KALRN: variants seen among roughly 807,000 people sequenced by gnomAD.
KALRN encodes the protein kalirin RhoGEF kinase, also known as kalirin.
KALRN carries 70 observed loss-of-function variants against 353.7 expected under a neutral mutation model. That is an observed-to-expected ratio of 0.20 (90% confidence interval 0.16 to 0.24). The LOEUF is 0.24. KALRN is among the 10% of genes least tolerant of loss of function. The pLI, the probability that KALRN is intolerant of heterozygous loss-of-function variation, is 1.00. For missense variants in KALRN, 2,791 were observed against 3,756.7 expected, an observed-to-expected ratio of 0.74 and a Z score of 6.72; for synonymous variants, 1,391 against 1,434.8, an observed-to-expected ratio of 0.97 and a Z score of 0.69.
At chr3:124,210,768 TG>T (rs1304946608) in intron 1 of KALRN, among the ~76,000 whole-genome samples, 1 of 152,178 alleles carries the variant, frequency 6.6e-6, no homozygotes, top group Non-Finnish European at 1.5e-5. Flanking sequence ...CCCAGTTGGA[TG>T]GTGAATGCTT....
At position 124,408,015 on chromosome 3, in the gene KALRN, C is replaced by T. The variant is rs1019234399; in HGVS notation, c.2347-5455C>T. Among the ~76,000 whole-genome samples the T allele has an allele frequency of 7.9e-5, 12 of 152,224 alleles. No homozygotes were observed. In the East Asian group the frequency reaches 2.1e-3, roughly 27 times the overall value. On this transcript the variant is annotated intron_variant, in intron 13 of 59. Coordinates refer to ENST00000682506, the MANE Select transcript of KALRN (RefSeq NM_001388419.1). The stretch of plus-strand genomic sequence containing the variant: ...GGCTCGATCTCCTGACCTCGTGATC[C>T]GCCCGCCTCAGCCTCCCAAAGTGCT...
chr3:124,325,894 T>G, intron 6 of KALRN, 86 bp from the exon 7 acceptor site: 1 of 1,142,618 alleles, frequency 8.8e-7, no homozygotes, highest in Non-Finnish European at 1.3e-6. Flanking sequence ...TTTGGGCAGC[T>G]CCCTTCCCCA....
intron 1 of KALRN, among the ~76,000 whole-genome samples, chr3:124,078,175 G>T (rs191454807): frequency 1.3e-5 from 2 of 152,160 alleles, no homozygotes; most frequent in Admixed American, 1.3e-4. Context: ...TTTTTGTGGT[G>T]CTCCTTTATA....
chr3:124,394,565 T>G (rs2089919766), intron 11 of KALRN, among the ~76,000 whole-genome samples: 1 of 152,234 alleles, frequency 6.6e-6, no homozygotes, highest in African/African-American at 2.4e-5. Flanking sequence ...TCTCATATAT[T>G]TATTGAAATT....
intron 25 of KALRN, among the ~76,000 whole-genome samples, chr3:124,470,437 T>C (rs552078668): frequency 6.6e-6 from 1 of 152,358 alleles, no homozygotes; most frequent in African/African-American, 2.4e-5. Flanking sequence ...CAGAGTTTAA[T>C]ATTGCCACTT....
chr3:124,518,025 C>T (rs2066810723), intron 33 of KALRN, among the ~76,000 whole-genome samples: 1 of 152,318 alleles, frequency 6.6e-6, no homozygotes, highest in South Asian at 2.1e-4. Context: ...CCTGACTACT[C>T]CTGCTTATGG....
rs1313441529 is a variant in KALRN at position 124,725,827 on chromosome 3, G to A, written c.*6357G>A. On this transcript the variant is annotated 3_prime_UTR_variant, in exon 60 of 60. Coordinates refer to ENST00000682506, the MANE Select transcript of KALRN (RefSeq NM_001388419.1). ...TTTGAGTGACCCCTGCCCCCCTCAA[G>A]TCTTTTGAGAATTTGGAGTGGGCTT... The A allele has an allele frequency of 2.0e-5, 3 of 152,174 alleles. No individual in the cohort carries two copies. Among genetic ancestry groups the A allele is most frequent in the Non-Finnish European group, 4.4e-5 (3 of 68,030 alleles). The allele number at this position is 152,174 out of a possible 1,614,324, so 9.4% of individuals were successfully genotyped here.
chr3:124,154,564 G>A (rs2068687551), intron 1 of KALRN, among the ~76,000 whole-genome samples: 1 of 152,158 alleles, frequency 6.6e-6, no homozygotes. Flanking sequence ...GGGACTTGAA[G>A]GACCTCTTCA....
At chr3:124,349,472 C>T (rs1357616035) in intron 10 of KALRN, among the ~76,000 whole-genome samples, 5 of 151,874 alleles carry the variant, frequency 3.3e-5, no homozygotes, top group Non-Finnish European at 5.9e-5. Flanking sequence ...TTTTTTAGCT[C>T]ATCAGCTATC....
chr3:124,655,090 T>G (rs1344205294), intron 38 of KALRN, among the ~76,000 whole-genome samples: 2 of 152,218 alleles, frequency 1.3e-5, no homozygotes, highest in African/African-American at 2.4e-5. Context: ...TTCCATATCT[T>G]AAAAACTTCA....
chr3:124,278,320 T>G (rs1205973062), intron 5 of KALRN, among the ~76,000 whole-genome samples: 3 of 151,364 alleles, frequency 2.0e-5, no homozygotes, highest in Admixed American at 1.3e-4. Context: ...CTGGTGGAGG[T>G]GGGGTGAGTG....
chr3:124,638,929 G>A (rs58076697), intron 37 of KALRN, among the ~76,000 whole-genome samples: 17,327 of 152,168 alleles, frequency 0.11, 1,064 homozygotes, highest in Middle Eastern at 0.2. Context: ...GGGGGTACAC[G>A]AGCAAAATTA....
chr3:124,253,433 G>A (rs1195795065), intron 3 of KALRN, among the ~76,000 whole-genome samples: 1 of 152,118 alleles, frequency 6.6e-6, no homozygotes, highest in Non-Finnish European at 1.5e-5. Context: ...CCCTTTTCTG[G>A]TTTCTGTCTG....
intron 43 of KALRN, among the ~76,000 whole-genome samples, chr3:124,660,404 G>C (rs1035548939): frequency 7.9e-5 from 12 of 152,072 alleles, no homozygotes; most frequent in Non-Finnish European, 1.5e-4. Flanking sequence ...TTTTGAGGCT[G>C]GGTGCAGTCA....
At chr3:124,184,113 C>A (rs550724473) in intron 1 of KALRN, among the ~76,000 whole-genome samples, 2 of 152,032 alleles carry the variant, frequency 1.3e-5, no homozygotes, top group African/African-American at 4.8e-5. Flanking sequence ...CTAGACAAAC[C>A]GAACACAGGC....
chr3:124,420,579 A>T (rs2092732376), intron 14 of KALRN, among the ~76,000 whole-genome samples: 1 of 152,180 alleles, frequency 6.6e-6, no homozygotes, highest in Non-Finnish European at 1.5e-5. Flanking sequence ...GAAAATAGTA[A>T]CTGGAAGGAG....
chr3:124,499,040 G>A (rs773132994), intron 33 of KALRN, among the ~76,000 whole-genome samples: 3 of 152,152 alleles, frequency 2.0e-5, no homozygotes, highest in Non-Finnish European at 2.9e-5. Flanking sequence ...AAGGGGTGGA[G>A]ACAGCTCACC....
chr3:124,228,801 A>C (rs1000113263), intron 2 of KALRN, among the ~76,000 whole-genome samples: 1 of 152,082 alleles, frequency 6.6e-6, no homozygotes. Context: ...ATGGGGCTGA[A>C]ATCTAGGGGT....
At chr3:124,650,707 A>G in intron 37 of KALRN, 101 bp from the exon 38 acceptor site, 1 of 1,195,826 alleles carries the variant, frequency 8.4e-7, no homozygotes, top group South Asian at 1.4e-5. Context: ...AGCCTTGGCT[A>G]CTGATTTTCC....
Sources: allele counts gnomAD v4.1 joint callset (sites outside exome capture counted in the v4.1 genomes callset), GRCh38; gene constraint gnomAD v4.1.1; transcripts MANE v1.5; gene names NCBI Gene and HGNC (gene_info 2026-07-23, HGNC 2026-07-21).